The following GLIS3 variants were observed in gnomAD, a reference collection of about 807,000 sequenced individuals.
GLIS3 encodes GLIS family zinc finger 3, also known as zinc finger protein GLIS3.
GLIS3 carries 53 observed loss-of-function variants against 78.6 expected under a neutral mutation model. That is an observed-to-expected ratio of 0.67 (90% CI 0.54 to 0.85). The LOEUF is 0.85. GLIS3 is among the 40% of genes least tolerant of loss of function. GLIS3 has a pLI of 0.00. For synonymous variants in GLIS3, 684 were observed against 509.9 expected, an observed-to-expected ratio of 1.34 and a Z score of -4.60; for missense variants, 1,703 against 1,231.1, an observed-to-expected ratio of 1.38 and a Z score of -5.74.
intron 4 of GLIS3, among the ~76,000 whole-genome samples, chr9:3,979,300 A>G (rs551411109): frequency 2.0e-5 from 3 of 152,268 alleles, no homozygotes; most frequent in African/African-American, 7.2e-5. Context: ...TCTGGACCCA[A>G]TCCCTGCAAG....
At chr9:3,875,140 G>A (rs919412212) in intron 8 of GLIS3, among the ~76,000 whole-genome samples, 2 of 152,148 alleles carry the variant, frequency 1.3e-5, no homozygotes, top group East Asian at 1.9e-4. Context: ...TTCCAAAGAC[G>A]CTGAGTTCCT....
chr9:4,180,720 A>G (rs1199479203), intron 2 of GLIS3, among the ~76,000 whole-genome samples: 1 of 152,188 alleles, frequency 6.6e-6, no homozygotes, highest in Non-Finnish European at 1.5e-5. Context: ...CATTGATTTT[A>G]TTTTACATAT....
chr9:4,283,916 T>C (rs1827770990), intron 2 of GLIS3, among the ~76,000 whole-genome samples: 1 of 152,168 alleles, frequency 6.6e-6, no homozygotes, highest in African/African-American at 2.4e-5. Flanking sequence ...GTGCCAACCA[T>C]GCAGATCCAG....
At chr9:4,112,145 T>C (rs971458737) in intron 4 of GLIS3, among the ~76,000 whole-genome samples, 1 of 152,160 alleles carries the variant, frequency 6.6e-6, no homozygotes, top group African/African-American at 2.4e-5. Flanking sequence ...CAACAATGTA[T>C]ACATGGTTCA....
the GLIS3 span, among the ~76,000 whole-genome samples, chr9:4,450,336 T>C: frequency 1.3e-5 from 2 of 151,940 alleles, no homozygotes; most frequent in Admixed American, 1.3e-4. Flanking sequence ...CTCCAAGAAA[T>C]ATGGGACTAT....
chr9:4,431,262 G>C, the GLIS3 span, among the ~76,000 whole-genome samples: 1 of 152,116 alleles, frequency 6.6e-6, no homozygotes, highest in Non-Finnish European at 1.5e-5. Flanking sequence ...TCACATATTC[G>C]TGAATCATGG....
chr9:4,087,097 A>G (rs1829095737), intron 4 of GLIS3, among the ~76,000 whole-genome samples: 2 of 152,232 alleles, frequency 1.3e-5, no homozygotes, highest in South Asian at 4.1e-4. Flanking sequence ...AATAAAAGGA[A>G]TAACTATATT....
chr9:3,944,219 C>A (rs2060296991), intron 4 of GLIS3, among the ~76,000 whole-genome samples: 1 of 152,120 alleles, frequency 6.6e-6, no homozygotes, highest in African/African-American at 2.4e-5. Context: ...AGCCACAAGA[C>A]AATGTAGAGA....
chr9:4,371,109 A>G, the GLIS3 span, among the ~76,000 whole-genome samples: 1 of 152,226 alleles, frequency 6.6e-6, no homozygotes, highest in Admixed American at 6.5e-5. Context: ...AGAAAAAAAT[A>G]TAATTTTTTG....
chr9:4,199,463 TAA>T (rs899467123), intron 2 of GLIS3, among the ~76,000 whole-genome samples: 39 of 148,552 alleles, frequency 2.6e-4, no homozygotes, highest in Middle Eastern at 3.6e-3. Context: ...AAGTTATATA[TAA>T]GTTTATATAT....
At chr9:4,142,080 A>G (rs1162676563) in intron 2 of GLIS3, among the ~76,000 whole-genome samples, 2 of 152,246 alleles carry the variant, frequency 1.3e-5, no homozygotes, top group Non-Finnish European at 2.9e-5. Context: ...AAAAATGAGG[A>G]AGAACAGAGT....
intron 2 of GLIS3, among the ~76,000 whole-genome samples, chr9:4,187,459 G>A (rs1298183115): frequency 6.6e-6 from 1 of 152,108 alleles, no homozygotes; most frequent in Non-Finnish European, 1.5e-5. Flanking sequence ...TTTTGGCTTA[G>A]GATTGACTTG....
rs4617208 is a variant in GLIS3, at chr9:4,050,249, A to G, written c.1710+67519T>C. Reference sequence around the variant, plus strand: ...TAAGAAAATGTGGCACATATACCCCATGGAATACTATGCAGCCACAGAAAA... The same window carrying G: ...TAAGAAAATGTGGCACATATACCCCGTGGAATACTATGCAGCCACAGAAAA... On this transcript the variant is annotated intron_variant, in intron 4 of 10. Transcript: ENST00000381971. Among the ~76,000 whole-genome samples, 278 of 152,352 alleles carry G rather than the reference A, an allele frequency of 1.8e-3. 3 individuals carry two copies. Among genetic ancestry groups the G allele is most frequent in the Middle Eastern group, 6.8e-3 (2 of 294 alleles).
chr9:4,170,807 A>G (rs1414989933), intron 2 of GLIS3, among the ~76,000 whole-genome samples: 2 of 152,204 alleles, frequency 1.3e-5, no homozygotes, highest in Non-Finnish European at 2.9e-5. Flanking sequence ...AGGAATATTC[A>G]AAACACTTCC....
intron 7 of GLIS3, among the ~76,000 whole-genome samples, chr9:3,885,855 A>G (rs894751755): frequency 3.3e-5 from 5 of 152,248 alleles, no homozygotes; most frequent in African/African-American, 1.2e-4. Context: ...AAAGCAAAGC[A>G]TACACAATGT....
the GLIS3 span, among the ~76,000 whole-genome samples, chr9:4,469,290 T>A: frequency 1.3e-5 from 2 of 152,166 alleles, no homozygotes; most frequent in African/African-American, 4.8e-5. Flanking sequence ...GCAGACCTAA[T>A]AGACATCTAC....
At chr9:4,346,951 C>CAAAAAAAAAAAAAAAAAAA (rs1171410732) in intron 2 of GLIS3, 2 of 564 alleles carry the variant, frequency 3.5e-3, no homozygotes, top group African/African-American at 3.8e-3. Flanking sequence ...GACTCCGTCT[C>CAAAAAAAAAAAAAAAAAAA]AAAAAAAAAA....
chr9:4,411,275 T>C, the GLIS3 span, among the ~76,000 whole-genome samples: 31 of 152,182 alleles, frequency 2.0e-4, no homozygotes, highest in Admixed American at 6.5e-5. Context: ...TGTCCTTCAC[T>C]TGGTGCAAAC....
At chr9:4,461,104 GTCAC>G in the GLIS3 span, among the ~76,000 whole-genome samples, 46 of 152,152 alleles carry the variant, frequency 3.0e-4, no homozygotes, top group Admixed American at 2.0e-4. Context: ...GCATGAATAT[GTCAC>G]TCTTTTTCTG....
Sources: allele counts gnomAD v4.1 joint callset (sites outside exome capture counted in the v4.1 genomes callset), GRCh38; gene constraint gnomAD v4.1.1; transcripts MANE v1.5; gene names NCBI Gene and HGNC (gene_info 2026-07-23, HGNC 2026-07-21).